Variants in HSD17B6 observed in about 807,000 individuals in gnomAD.
The protein encoded by HSD17B6 is 17-beta-hydroxysteroid dehydrogenase type 6.
A neutral mutation model predicts 26.4 loss-of-function variants in HSD17B6; 16 were observed. The observed-to-expected ratio is 0.61, with a 90% confidence interval of 0.41 to 0.92. The LOEUF (loss-of-function observed/expected upper bound fraction) is 0.92. HSD17B6 is among the 40% of genes least tolerant of loss of function. HSD17B6 has a pLI of 0.00. For missense variants in HSD17B6, 357 were observed against 386.1 expected (o/e 0.92, Z 0.63); for synonymous variants, 139 against 153.0 (o/e 0.91, Z 0.68).
Position 56,782,240 on chromosome 12 carries a change from A to C in HSD17B6, c.572+8A>C, listed in dbSNP as rs764537715. The C allele has an allele frequency of 6.2e-7, 1 of 1,611,680 alleles. No individual in the cohort carries two copies. On this transcript the variant is annotated splice_region_variant and intron_variant, in intron 3 of 4. Transcript: ENST00000322165. ...CTTTTCAGATATTCTGAGGTAACTT[A>C]AGTTAAAACAAAAACAGCTATTGAG...
intron 3 of HSD17B6, 91 bp downstream of exon 3, chr12:56,782,323 T>C (rs574635067): frequency 8.5e-7 from 1 of 1,182,906 alleles, no homozygotes; most frequent in African/African-American, 1.6e-5. Context: ...ATTTCATCAC[T>C]CCTCAAATCT....
In HSD17B6 at chr12:56,787,105, A is replaced by G. The variant is rs1421566776; in HGVS notation, c.737-20A>G. 1.9e-6 allele frequency: 3 copies of G among 1,566,770 alleles called. No individual in the cohort carries two copies. Among genetic ancestry groups the G allele is most frequent in the Non-Finnish European group, 2.6e-6 (3 of 1,137,638 alleles). ...ATAAGGAATAAGATTGTTGACCACC[A>G]TTTCTTTTTTTGTATACAGTTTACA... On this transcript the variant is annotated intron_variant, in intron 4 of 4. Transcript: ENST00000322165.
chr12:56,769,040 G>A (rs1035142000), intron 1 of HSD17B6, among the ~76,000 whole-genome samples: 8 of 151,740 alleles, frequency 5.3e-5, no homozygotes, highest in South Asian at 2.1e-4. Context: ...GGGAGTGGGG[G>A]GAGGGGAAGA....
chr12:56,765,867 TC>T (rs1237551845), intron 1 of HSD17B6, among the ~76,000 whole-genome samples: 1 of 152,088 alleles, frequency 6.6e-6, no homozygotes, highest in African/African-American at 2.4e-5. Flanking sequence ...GCAGAGAGGT[TC>T]TTGGAAAGAA....
intron 1 of HSD17B6, among the ~76,000 whole-genome samples, chr12:56,768,939 T>C (rs1954405864): frequency 6.6e-6 from 1 of 150,784 alleles, no homozygotes; most frequent in Admixed American, 6.6e-5. Context: ...AGACCTGTGC[T>C]GAATAAGGAG....
chr12:56,780,459 T>TCA (rs1211563621), intron 2 of HSD17B6, among the ~76,000 whole-genome samples: 1 of 152,204 alleles, frequency 6.6e-6, no homozygotes, highest in African/African-American at 2.4e-5. Flanking sequence ...AAGCATTAGG[T>TCA]CATAGCCTGT....
chr12:56,768,994 G>T (rs540956486), intron 1 of HSD17B6, among the ~76,000 whole-genome samples: 1 of 151,616 alleles, frequency 6.6e-6, no homozygotes, highest in South Asian at 2.1e-4. Context: ...GAGAGACTGA[G>T]GAAAAGGAAG....
At chr12:56,780,312 A>C (rs1954685306) in intron 2 of HSD17B6, among the ~76,000 whole-genome samples, 1 of 152,186 alleles carries the variant, frequency 6.6e-6, no homozygotes, top group Non-Finnish European at 1.5e-5. Context: ...TCTCTTAAAA[A>C]CATAATTTAT....
intron 1 of HSD17B6, among the ~76,000 whole-genome samples, chr12:56,773,006 A>G (rs980834214): frequency 9.9e-5 from 15 of 152,140 alleles, no homozygotes; most frequent in Admixed American, 8.5e-4. Context: ...GTTGTTATGA[A>G]TTATGTTAGT....
chr12:56,774,282 C>A, intron 2 of HSD17B6, 117 bp downstream of exon 2: 1 of 882,106 alleles, frequency 1.1e-6, no homozygotes. Flanking sequence ...ATACTAAAAT[C>A]CGAGGATGCT....
intron 1 of HSD17B6, among the ~76,000 whole-genome samples, chr12:56,764,106 G>GA (rs1434326810): frequency 1.5e-3 from 193 of 126,074 alleles, no homozygotes; most frequent in African/African-American, 5.0e-3. Context: ...AAGAAAAAAA[G>GA]AAAAAAAAAA....
chr12:56,775,643 C>T (rs1954574917), intron 2 of HSD17B6, among the ~76,000 whole-genome samples: 1 of 147,554 alleles, frequency 6.8e-6, no homozygotes, highest in Non-Finnish European at 1.5e-5. Context: ...ACAATTTTCC[C>T]TTTTTTTTTT....
At chr12:56,780,704 C>G (rs1295023642) in intron 2 of HSD17B6, among the ~76,000 whole-genome samples, 1 of 151,490 alleles carries the variant, frequency 6.6e-6, no homozygotes, top group East Asian at 1.9e-4. Flanking sequence ...CTAAAAATAC[C>G]AAAAAAATTA....
At chr12:56,767,810 ATAAT>A (rs1373388025) in intron 1 of HSD17B6, among the ~76,000 whole-genome samples, 2 of 147,354 alleles carry the variant, frequency 1.4e-5, no homozygotes, top group African/African-American at 2.5e-5. Flanking sequence ...GTGTGTATAT[ATAAT>A]ATATATGTGT....
chr12:56,773,458 T>G (rs1365875951), intron 1 of HSD17B6, among the ~76,000 whole-genome samples: 1 of 152,256 alleles, frequency 6.6e-6, no homozygotes. Context: ...CAAGAAGTTC[T>G]GTGCTGCTCA....
At chr12:56,781,514 A>G (rs1954713045) in intron 2 of HSD17B6, among the ~76,000 whole-genome samples, 1 of 152,216 alleles carries the variant, frequency 6.6e-6, no homozygotes, top group East Asian at 1.9e-4. Context: ...TAAAAATTAT[A>G]TTTAGCAGGC....
intron 1 of HSD17B6, among the ~76,000 whole-genome samples, chr12:56,769,701 A>C (rs1954428447): frequency 1.3e-5 from 2 of 152,246 alleles, no homozygotes; most frequent in South Asian, 2.1e-4. Flanking sequence ...AGTACTGTGT[A>C]TAAATAATTT....
intron 1 of HSD17B6, among the ~76,000 whole-genome samples, chr12:56,763,708 C>T (rs895337388): frequency 3.3e-5 from 5 of 151,870 alleles, no homozygotes; most frequent in Non-Finnish European, 7.4e-5. Flanking sequence ...ACGGGATTCT[C>T]GGCAGTGGGG....
At chr12:56,783,596 C>CA (rs1404302375) in intron 3 of HSD17B6, among the ~76,000 whole-genome samples, 5 of 141,774 alleles carry the variant, frequency 3.5e-5, no homozygotes, top group African/African-American at 1.3e-4. Context: ...GGGGGCTGAC[C>CA]CCCCCACCTC....
Sources: allele counts gnomAD v4.1 joint callset (sites outside exome capture counted in the v4.1 genomes callset), GRCh38; gene constraint gnomAD v4.1.1; transcripts MANE v1.5; gene names NCBI Gene and HGNC (gene_info 2026-07-23, HGNC 2026-07-21).